Variants in KLHL20 observed in about 807,000 individuals in gnomAD.
KLHL20 encodes the protein kelch-like protein 20.
Under a neutral mutation model 69.5 loss-of-function variants are expected in KLHL20, and 29 were observed. The observed-to-expected ratio is 0.42, with a 90% CI of 0.31 to 0.57. The LOEUF is 0.57. KLHL20 is among the 20% of genes least tolerant of loss of function. KLHL20 has a pLI of 0.18. For synonymous variants in KLHL20, 253 were observed against 265.2 expected (o/e 0.95, Z 0.45); for missense variants, 419 against 776.0 (o/e 0.54, Z 5.47).
intron 2 of KLHL20, among the ~76,000 whole-genome samples, chr1:173,728,808 A>G (rs1672106044): frequency 6.6e-6 from 1 of 152,160 alleles, no homozygotes. Flanking sequence ...TAACATCACA[A>G]TTAAAAGAAC....
intron 2 of KLHL20, among the ~76,000 whole-genome samples, chr1:173,726,015 G>A (rs377442257): frequency 3.3e-5 from 5 of 152,210 alleles, no homozygotes; most frequent in African/African-American, 9.7e-5. Flanking sequence ...AGAGGTGACA[G>A]ATGGCACCTG....
At chr1:173,778,281 A>T (rs1175991402) in intron 10 of KLHL20, among the ~76,000 whole-genome samples, 1 of 148,048 alleles carries the variant, frequency 6.8e-6, no homozygotes, top group Non-Finnish European at 1.5e-5. Flanking sequence ...AAGTGATGTC[A>T]TTGTTCAATT....
At chr1:173,725,331 G>A (rs1671904505) in intron 2 of KLHL20, among the ~76,000 whole-genome samples, 2 of 152,174 alleles carry the variant, frequency 1.3e-5, no homozygotes, top group Non-Finnish European at 2.9e-5. Context: ...AAAGCTTCTT[G>A]ATTTTGAGTA....
chr1:173,765,457 C>A (rs1333598382), intron 7 of KLHL20, among the ~76,000 whole-genome samples: 1 of 151,616 alleles, frequency 6.6e-6, no homozygotes, highest in African/African-American at 2.4e-5. Context: ...GAGCCAAGAT[C>A]GTGCCACTGT....
intron 5 of KLHL20, among the ~76,000 whole-genome samples, chr1:173,753,623 C>T (rs900596279): frequency 4.8e-4 from 72 of 151,036 alleles, no homozygotes; most frequent in African/African-American, 1.6e-3. Flanking sequence ...TTTTTTTTTT[C>T]CTTGAGATAA....
chr1:173,753,841 T>A (rs6425257), intron 5 of KLHL20, among the ~76,000 whole-genome samples: 13,712 of 152,136 alleles, frequency 0.09, 2,001 homozygotes, highest in African/African-American at 0.31. Flanking sequence ...AACTACTTTT[T>A]CAAAGGGGGG....
intron 1 of KLHL20, chr1:173,715,520 A>G (rs1017394999): frequency 4.6e-5 from 7 of 153,204 alleles, no homozygotes; most frequent in African/African-American, 1.4e-4. Flanking sequence ...TGCCCTGTTC[A>G]AGCTCCCTGG....
chr1:173,742,858 T>C (rs1672882519), intron 3 of KLHL20, among the ~76,000 whole-genome samples: 1 of 151,694 alleles, frequency 6.6e-6, no homozygotes, highest in Admixed American at 6.6e-5. Flanking sequence ...ATAAACATTT[T>C]GGTACTACAG....
chr1:173,771,219 A>G (rs1234929543), intron 8 of KLHL20, among the ~76,000 whole-genome samples: 2 of 152,206 alleles, frequency 1.3e-5, no homozygotes, highest in African/African-American at 2.4e-5. Flanking sequence ...TAGGAGAACA[A>G]ACTTCAGACA....
At chr1:173,770,241 A>T (rs1647999701) in intron 8 of KLHL20, among the ~76,000 whole-genome samples, 1 of 152,336 alleles carries the variant, frequency 6.6e-6, no homozygotes, top group Admixed American at 6.5e-5. Flanking sequence ...ATGAAACTAC[A>T]TAAATCAGAA....
At chr1:173,742,879 G>T (rs187332835) in intron 3 of KLHL20, among the ~76,000 whole-genome samples, 1 of 151,638 alleles carries the variant, frequency 6.6e-6, no homozygotes, top group Admixed American at 6.6e-5. Context: ...AAGAATCTAC[G>T]CAGGATGCAA....
At chr1:173,731,661 G>A (rs1338879416) in intron 2 of KLHL20, among the ~76,000 whole-genome samples, 1 of 145,030 alleles carries the variant, frequency 6.9e-6, no homozygotes, top group Non-Finnish European at 1.5e-5. Flanking sequence ...GGTGGGAATT[G>A]AACAATGAGA....
At chr1:173,738,909 G>A (rs2102479517) in intron 3 of KLHL20, among the ~76,000 whole-genome samples, 1 of 152,176 alleles carries the variant, frequency 6.6e-6, no homozygotes, top group African/African-American at 2.4e-5. Context: ...ATTTTGTGGA[G>A]GATTTTTGCA....
intron 8 of KLHL20, among the ~76,000 whole-genome samples, chr1:173,769,614 G>A (rs1379762346): frequency 1.3e-5 from 2 of 151,632 alleles, no homozygotes; most frequent in African/African-American, 2.4e-5. Flanking sequence ...ATAGCGAGAC[G>A]TTGTCTCTCC....
chr1:173,764,970 A>T (rs1427697545), intron 7 of KLHL20, among the ~76,000 whole-genome samples: 1 of 152,188 alleles, frequency 6.6e-6, no homozygotes, highest in Non-Finnish European at 1.5e-5. Context: ...TAGCCTATAT[A>T]TGTCAAAATG....
chr1:173,755,213 C>G (rs61826821), intron 5 of KLHL20, among the ~76,000 whole-genome samples: 34,731 of 151,998 alleles, frequency 0.23, 4,427 homozygotes, highest in Middle Eastern at 0.39. Context: ...CGCGTACCAC[C>G]ACACCCAGCT....
At chr1:173,722,071 A>G (rs1671741076) in intron 2 of KLHL20, among the ~76,000 whole-genome samples, 2 of 152,162 alleles carry the variant, frequency 1.3e-5, no homozygotes, top group Admixed American at 6.5e-5. Context: ...TGGTTCTGCA[A>G]GCTTTTCAAG....
Position 173,757,057 on chromosome 1 carries a change from C to T in KLHL20, c.1049C>T (p.Ser350Leu). 1 of 1,614,080 alleles carries T rather than the reference C, an allele frequency of 6.2e-7. No homozygotes were observed. Among genetic ancestry groups the T allele is most frequent in the Non-Finnish European group, 8.5e-7 (1 of 1,180,002 alleles). ...ACCAATGAATGGAGAATGGTGGCTT[C>T]AATGAGCAAAAGGAGATGCGGAGTT... The part of the protein sequence containing the change: ...PQTNEWRMVA[S>L]MSKRRCGVGV... The change falls in exon 7 of 12, where the codon TCA (serine) becomes TTA (leucine). Residue 350 changes from serine (S) to leucine (L), a missense_variant. Around this residue, in one of 6 missense-constraint regions of KLHL20, gnomAD observed 24 missense variants for 22.5 expected, o/e 1.07. Transcript: ENST00000209884.
intron 8 of KLHL20, among the ~76,000 whole-genome samples, chr1:173,772,146 T>A (rs1648135834): frequency 6.6e-6 from 1 of 152,236 alleles, no homozygotes; most frequent in African/African-American, 2.4e-5. Context: ...AGTGAACATC[T>A]CTACTCCCAG....
Sources: allele counts gnomAD v4.1 joint callset (sites outside exome capture counted in the v4.1 genomes callset), GRCh38; gene constraint gnomAD v4.1.1; regional missense constraint gnomAD v4.1.1; transcripts MANE v1.5; gene names NCBI Gene and HGNC (gene_info 2026-07-23, HGNC 2026-07-21).